Variants in URB1 observed in about 807,000 individuals in gnomAD.
URB1 encodes nucleolar pre-ribosomal-associated protein 1.
In URB1, 197 loss-of-function variants were observed where a neutral mutation model predicts 242.3. The observed-to-expected ratio is 0.81, with a 90% confidence interval of 0.72 to 0.91. The LOEUF is 0.91. Ranked by LOEUF, URB1 falls within the 40% of genes least tolerant of loss-of-function variation. The pLI, the probability that URB1 is intolerant of heterozygous loss-of-function variation, is 0.00. For missense variants in URB1, 2,721 were observed against 2,860.5 expected (o/e 0.95, Z 1.11); for synonymous variants, 1,153 against 1,201.8 (o/e 0.96, Z 0.84).
intron 38 of URB1, 49 bp from the exon 39 acceptor site, chr21:32,315,148 C>T (rs762817151): frequency 9.0e-6 from 13 of 1,439,788 alleles, no homozygotes; most frequent in Admixed American, 2.7e-5. Flanking sequence ...CTGCTCAGCT[C>T]GAAAACAGGT....
Position 32,311,726 on chromosome 21 carries a change from C to T in URB1, c.*3192G>A. On this transcript the variant is annotated 3_prime_UTR_variant, in exon 39 of 39. Transcript: ENST00000382751. ...ACCAAACATGCCCCTGGAGTCACGG[C>T]CTCAACCTCCACCTCTGCATCCAGA... 2 of 1,614,030 alleles carry T rather than the reference C, an allele frequency of 1.2e-6. No homozygotes were observed. Among genetic ancestry groups the T allele is most frequent in the Admixed American group, 1.7e-5 (1 of 60,022 alleles).
chr21:32,353,799 C>T, intron 18 of URB1, 134 bp downstream of exon 18: 2 of 1,077,536 alleles, frequency 1.9e-6, no homozygotes, highest in Non-Finnish European at 2.5e-6. Flanking sequence ...GGGTAGCTAT[C>T]ACTCTGGGGG....
chr21:32,324,365 C>T (rs1176243755), intron 32 of URB1, 126 bp downstream of exon 32: 4 of 750,160 alleles, frequency 5.3e-6, no homozygotes, highest in Non-Finnish European at 9.0e-6. Flanking sequence ...CTTCCACAAT[C>T]ATGAGCACGG....
chr21:32,339,045 A>G, intron 25 of URB1, 145 bp from the exon 26 acceptor site: 1 of 907,558 alleles, frequency 1.1e-6, no homozygotes, highest in Non-Finnish European at 1.6e-6. Context: ...CCCAGGCTGG[A>G]GTACAGTGGT....
At chr21:32,350,337 G>A (rs373983149) in intron 20 of URB1, among the ~76,000 whole-genome samples, 14 of 152,218 alleles carry the variant, frequency 9.2e-5, no homozygotes, top group African/African-American at 3.4e-4. Context: ...GAAAGGCTGA[G>A]AGGTTGGAGG....
intron 19 of URB1, 130 bp downstream of exon 19, chr21:32,352,580 G>A: frequency 9.7e-7 from 1 of 1,030,080 alleles, no homozygotes; most frequent in Non-Finnish European, 1.4e-6. Flanking sequence ...TTATGCAGGG[G>A]ACTTTAGGGT....
chr21:32,345,335 G>T, intron 23 of URB1, 39 bp downstream of exon 23: 1 of 1,533,620 alleles, frequency 6.5e-7, no homozygotes, highest in South Asian at 1.2e-5. Flanking sequence ...AAATGACACC[G>T]AGAGTGGAAC....
In URB1 at chr21:32,311,736, C is replaced by T; in HGVS notation, c.*3182G>A. 6.2e-7 allele frequency: 1 copy of T among 1,614,114 alleles called. No individual in the cohort carries two copies. The highest frequency in any genetic ancestry group is 8.5e-7 in the Non-Finnish European group (1 of 1,180,004). On this transcript the variant is annotated 3_prime_UTR_variant, in exon 39 of 39. Transcript: ENST00000382751. ...CCCCTGGAGTCACGGCCTCAACCTC[C>T]ACCTCTGCATCCAGAAGTGCCTGCC...
At position 32,316,924 on chromosome 21, in the gene URB1, A is replaced by G; in HGVS notation, c.6176T>C (p.Leu2059Pro). 6.4e-7 allele frequency: 1 copy of G among 1,551,742 alleles called. No individual in the cohort carries two copies. Residue 2059 changes from leucine to proline, a missense_variant, in exon 38 of 39, where the codon CTG (leucine) becomes CCG (proline). Physicochemically the swap from Leu to Pro is moderately conservative, Grantham distance 98. Coordinates refer to ENST00000382751, the MANE Select transcript of URB1 (RefSeq NM_014825.3). ...TCTCCAGTAAGTCAAGATGGACCTC[A>G]GGAGGCCCTTGCATGTCTCCAAGGT... ...ASTLETCKGL[L>P]RSILTYWRPV...
At chr21:32,325,124 C>T in intron 31 of URB1, 105 bp downstream of exon 31, 1 of 1,354,040 alleles carries the variant, frequency 7.4e-7, no homozygotes, top group Non-Finnish European at 9.8e-7. Flanking sequence ...AACATGCCAC[C>T]TCCGTGTTCC....
chr21:32,341,437 AG>A (rs1568816578), intron 25 of URB1, 28 bp downstream of exon 25: 2 of 1,550,210 alleles, frequency 1.3e-6, no homozygotes, highest in South Asian at 2.4e-5. Context: ...CCTTTACCGA[AG>A]GGCACCAAGA....
Position 32,346,622 on chromosome 21 carries a change from T to C in URB1, c.3868+334A>G, listed in dbSNP as rs561845987. The stretch of plus-strand genomic sequence containing the variant: ...GGGCAGGGAACCCTGGGACATGGGA[T>C]GGATTGGCACCCAAGAACTCCTTCA... On this transcript the variant is annotated intron_variant, in intron 22 of 38. Transcript: ENST00000382751. 4.6e-5 allele frequency among the ~76,000 whole-genome samples: 7 copies of C among 152,310 alleles called. No homozygotes were observed. In the East Asian group the frequency reaches 1.4e-3, roughly 29 times the overall value.
chr21:32,381,093 C>T (rs2033519019), intron 4 of URB1, among the ~76,000 whole-genome samples: 1 of 152,240 alleles, frequency 6.6e-6, no homozygotes, highest in Non-Finnish European at 1.5e-5. Context: ...AGGCTCTAGG[C>T]TCTGCCACTG....
rs371288693 is a variant in URB1 at position 32,347,422 on chromosome 21, G to A, written c.3402C>T (p.His1134=). 4.0e-4 allele frequency: 627 copies of A among 1,551,528 alleles called. 3 individuals carry two copies. In the Middle Eastern group the frequency reaches 6.8e-3, roughly 17 times the overall value. The change falls in exon 22 of 39, where the codon CAC becomes CAT. Residue 1134 remains histidine (H), a synonymous_variant. Transcript: ENST00000382751. ...TLALLSLPET[H]LVTQQPTKSP... ...ATTTCGTGGGTTGCTGGGTCACCAG[G>A]TGTGTCTCAGGCAGGCTCAGCAAGG...
intron 1 of URB1, among the ~76,000 whole-genome samples, chr21:32,391,742 G>C (rs950007416): frequency 1.3e-5 from 2 of 152,186 alleles, no homozygotes; most frequent in African/African-American, 4.8e-5. Context: ...GCCAGGTGTG[G>C]TGGCTCATAC....
chr21:32,356,139 A>T (rs1338531997), intron 15 of URB1, among the ~76,000 whole-genome samples: 1 of 152,232 alleles, frequency 6.6e-6, no homozygotes, highest in Non-Finnish European at 1.5e-5. Flanking sequence ...TCAGCACTTC[A>T]GGAGACTGAG....
At position 32,354,037 on chromosome 21, in the gene URB1, G is replaced by C. The variant is rs867683172; in HGVS notation, c.2312C>G (p.Thr771Arg). 13 of 1,551,610 alleles carry C rather than the reference G, an allele frequency of 8.4e-6. No homozygotes were observed. In the East Asian group the frequency reaches 2.7e-4, roughly 32 times the overall value. The change falls in exon 18 of 39, where the codon ACG becomes AGG. Residue 771 changes from threonine to arginine, a missense_variant. Thr to Arg is a moderately conservative substitution (Grantham distance 71). Transcript: ENST00000382751. ...SEGLDEEIGF[T>R]LSEDMILLTF... ...GAGCAGGATCATGTCTTCACTCAAC[G>C]TGAACCCTATTTCCTCATCCAAGCC... is the stretch of plus-strand genomic sequence containing the variant.
At chr21:32,375,571 C>A in intron 5 of URB1, 88 bp from the exon 6 acceptor site, 1 of 682,432 alleles carries the variant, frequency 1.5e-6, no homozygotes, top group Non-Finnish European at 2.3e-6. Flanking sequence ...GGTGGTACAG[C>A]AAACAATGCC....
chr21:32,321,869 C>T lies in URB1; in HGVS notation c.5416G>A (p.Ala1806Thr). 1.3e-6 allele frequency: 2 copies of T among 1,551,746 alleles called. No homozygotes were observed. The highest frequency in any genetic ancestry group is 1.7e-6 in the Non-Finnish European group (2 of 1,147,008). ...ATGATGTGGAAGATGCCACGCCGGG[C>T]ACACAGTTCGTAGCACTGCTTGTCA... ...IRDKQCYELC[A>T]RRGIFHIILS... The change falls in exon 34 of 39, where the codon GCC (alanine) becomes ACC (threonine). Residue 1806 changes from alanine (A) to threonine (T), a missense_variant. Physicochemically the swap from Ala to Thr is moderately conservative, Grantham distance 58. Transcript: ENST00000382751.
Sources: gnomAD v4.1 joint callset for allele counts (sites outside exome capture counted in the v4.1 genomes callset) on GRCh38, gnomAD v4.1.1 for gene constraint, MANE v1.5 for transcripts, NCBI Gene and HGNC (gene_info 2026-07-23, HGNC 2026-07-21) for gene names.